Variants in PMS1 observed in about 807,000 individuals in gnomAD.
PMS1 encodes PMS1 protein homolog 1.
In PMS1, 79 loss-of-function variants were observed where a neutral mutation model predicts 93.1. That is an observed-to-expected ratio of 0.85 (90% confidence interval 0.71 to 1.02). PMS1 has a LOEUF of 1.02. Among genes scored for constraint, PMS1 ranks in the 50% least tolerant of loss-of-function variants. The pLI is 0.00. For missense variants in PMS1, 1,064 were observed against 1,085.3 expected, an observed-to-expected ratio of 0.98 and a Z score of 0.28; for synonymous variants, 335 against 363.4, an observed-to-expected ratio of 0.92 and a Z score of 0.89.
chr2:189,841,073 G>A (rs962337338), intron 5 of PMS1, among the ~76,000 whole-genome samples: 27 of 147,258 alleles, frequency 1.8e-4, no homozygotes, highest in African/African-American at 7.0e-4. Flanking sequence ...GACTAGACAG[G>A]GGATAAATAT....
At chr2:189,830,572 TTC>T (rs1200671010) in intron 5 of PMS1, among the ~76,000 whole-genome samples, 1 of 152,264 alleles carries the variant, frequency 6.6e-6, no homozygotes, top group Non-Finnish European at 1.5e-5. Flanking sequence ...TCTTGATTTA[TTC>T]TCTCTCCTCC....
intron 6 of PMS1, 67 bp downstream of exon 6, chr2:189,844,147 G>T: frequency 1.9e-6 from 3 of 1,602,670 alleles, no homozygotes; most frequent in Non-Finnish European, 1.7e-6. Flanking sequence ...ATTTCCCTTT[G>T]GGGGAGTTAC....
Position 189,873,627 on chromosome 2 carries a change from A to G in PMS1, c.2605A>G (p.Arg869Gly). ...NRNAKEVYECRPRKVISYLEG... is the reference protein window; with the variant it reads ...NRNAKEVYECGPRKVISYLEG... ...AAATGCAAAGGAAGTTTATGAATGT[A>G]GACCTCGCAAAGTGATAAGTTATTT... The change falls in exon 12 of 13, where the codon AGA (arginine) becomes GGA (glycine). Residue 869 changes from arginine (R) to glycine (G), a missense_variant. Physicochemically the swap from Arg to Gly is moderately radical, Grantham distance 125. Transcript: ENST00000441310. 6.2e-7 allele frequency: 1 copy of G among 1,606,706 alleles called. No homozygotes were observed. Among genetic ancestry groups the G allele is most frequent in the Non-Finnish European group, 8.5e-7 (1 of 1,173,348 alleles).
At chr2:189,852,390 A>C (rs1258636213) in intron 6 of PMS1, among the ~76,000 whole-genome samples, 11 of 152,208 alleles carry the variant, frequency 7.2e-5, no homozygotes, top group Admixed American at 7.2e-4. Flanking sequence ...AAATATCTGA[A>C]AGTATAACCA....
In PMS1 at chr2:189,821,774, A is replaced by G. The variant is rs1189566719; in HGVS notation, c.582+3594A>G. On this transcript the variant is annotated intron_variant, in intron 5 of 12. Transcript: ENST00000441310. ...CAGTGAGCCGAGATCGCACCACTGC[A>G]CTCCAGCCTGGGCGACAGAGTGAGA... is the stretch of plus-strand genomic sequence containing the variant. Among the ~76,000 whole-genome samples, 6 of 152,314 alleles carry G rather than the reference A, an allele frequency of 3.9e-5. No individual in the cohort carries two copies. In the East Asian group the frequency reaches 1.2e-3, roughly 29 times the overall value.
chr2:189,850,706 T>C (rs759115952), intron 6 of PMS1, among the ~76,000 whole-genome samples: 1 of 151,738 alleles, frequency 6.6e-6, no homozygotes, highest in Non-Finnish European at 1.5e-5. Flanking sequence ...GAGGAGGCAT[T>C]AGAGAGGAAG....
intron 10 of PMS1, among the ~76,000 whole-genome samples, chr2:189,867,519 A>G (rs2056767681): frequency 6.6e-6 from 1 of 150,434 alleles, no homozygotes; most frequent in Admixed American, 6.7e-5. Context: ...TTATTTATAA[A>G]GTTTTCATTT....
At chr2:189,863,194 T>TTTTG (rs911976697) in intron 9 of PMS1, among the ~76,000 whole-genome samples, 17 of 151,998 alleles carry the variant, frequency 1.1e-4, no homozygotes, top group Non-Finnish European at 1.5e-4. Flanking sequence ...ATTGAGGGTT[T>TTTTG]TTTGTTTGTT....
At chr2:189,859,275 T>C (rs2055693142) in intron 9 of PMS1, among the ~76,000 whole-genome samples, 1 of 152,182 alleles carries the variant, frequency 6.6e-6, no homozygotes, top group Non-Finnish European at 1.5e-5. Flanking sequence ...ATTTTATTTC[T>C]CACAACAAAA....
chr2:189,808,739 T>G (rs1442923327), intron 4 of PMS1, among the ~76,000 whole-genome samples: 1 of 152,258 alleles, frequency 6.6e-6, no homozygotes, highest in Non-Finnish European at 1.5e-5. Flanking sequence ...TAAAATGATT[T>G]ATGTGTTTAA....
At chr2:189,850,435 A>G (rs2054597182) in intron 6 of PMS1, among the ~76,000 whole-genome samples, 1 of 152,168 alleles carries the variant, frequency 6.6e-6, no homozygotes, top group Non-Finnish European at 1.5e-5. Context: ...ATATTTTACC[A>G]AGTTTTGAAT....
At chr2:189,817,883 G>T in intron 4 of PMS1, 134 bp from the exon 5 acceptor site, 2 of 697,736 alleles carry the variant, frequency 2.9e-6, no homozygotes, top group South Asian at 1.5e-5. Context: ...TTGCAAAGTT[G>T]AGCCTTTGGG....
At chr2:189,847,465 AT>A (rs78614271) in intron 6 of PMS1, among the ~76,000 whole-genome samples, 15,735 of 150,606 alleles carry the variant, frequency 0.1, 1,176 homozygotes, top group East Asian at 0.2. Context: ...CTGTCTATGG[AT>A]TTTTTTTTAA....
chr2:189,794,237 C>G (rs2049144534), intron 2 of PMS1, among the ~76,000 whole-genome samples: 1 of 152,140 alleles, frequency 6.6e-6, no homozygotes, highest in Non-Finnish European at 1.5e-5. Context: ...CTCAGCCTCC[C>G]AAGTAGCTGG....
At chr2:189,829,068 A>C (rs772860481) in intron 5 of PMS1, among the ~76,000 whole-genome samples, 2 of 152,104 alleles carry the variant, frequency 1.3e-5, no homozygotes, top group Non-Finnish European at 2.9e-5. Flanking sequence ...AATGACTTAA[A>C]CATTGAATAT....
In PMS1 at chr2:189,863,895, C is replaced by G. The variant is rs746778101; in HGVS notation, c.2009C>G (p.Thr670Ser). 1.2e-6 allele frequency: 2 copies of G among 1,613,840 alleles called. No homozygotes were observed. Among genetic ancestry groups the G allele is most frequent in the East Asian group, 2.2e-5 (1 of 44,872 alleles). Residue 670 changes from threonine to serine, a missense_variant, in exon 10 of 13, where the codon ACC (threonine) becomes AGC (serine). Thr to Ser is a moderately conservative substitution (Grantham distance 58). Transcript: ENST00000441310. ...WNLAQKHKLK[T>S]SLSNQPKLDE... ...TTGGCCCAGAAGCACAAGTTAAAAACCTCATTATCTAATCAACCAAAACTT... is the reference window on the plus strand; with the variant it reads ...TTGGCCCAGAAGCACAAGTTAAAAAGCTCATTATCTAATCAACCAAAACTT...
intron 4 of PMS1, chr2:189,806,306 A>G: frequency 4.1e-6 from 1 of 243,456 alleles, no homozygotes; most frequent in Non-Finnish European, 8.1e-6. Flanking sequence ...TGAAGCAAAT[A>G]CGTATTGTTT....
At chr2:189,823,913 G>A (rs2052194980) in intron 5 of PMS1, among the ~76,000 whole-genome samples, 1 of 152,182 alleles carries the variant, frequency 6.6e-6, no homozygotes, top group African/African-American at 2.4e-5. Flanking sequence ...TCCAACATTT[G>A]TTGATCCCAA....
intron 5 of PMS1, among the ~76,000 whole-genome samples, chr2:189,825,474 C>T (rs1228184178): frequency 6.6e-6 from 1 of 152,072 alleles, no homozygotes; most frequent in Non-Finnish European, 1.5e-5. Flanking sequence ...TATCTGAAAC[C>T]ACTTTAGTAT....
Sources: gnomAD v4.1 joint callset for allele counts (sites outside exome capture counted in the v4.1 genomes callset) on GRCh38, gnomAD v4.1.1 for gene constraint, MANE v1.5 for transcripts, NCBI Gene and HGNC (gene_info 2026-07-23, HGNC 2026-07-21) for gene names.